The following CTNND1 variants were observed in gnomAD, a reference collection of about 807,000 sequenced individuals.
The protein encoded by CTNND1 is catenin delta 1.
In CTNND1, 16 loss-of-function variants were observed where a neutral mutation model predicts 112.1. The observed-to-expected ratio is 0.14, with a 90% CI of 0.10 to 0.22. The LOEUF is 0.22. Ranked by LOEUF, CTNND1 falls within the 10% of genes least tolerant of loss-of-function variation. The pLI is 1.00. For synonymous variants in CTNND1, 420 were observed against 446.5 expected (o/e 0.94, Z 0.75); for missense variants, 1,008 against 1,257.0 (o/e 0.80, Z 3.00).
At chr11:57,773,577 G>A (rs1953340728) in intron 1 of CTNND1, among the ~76,000 whole-genome samples, 1 of 150,644 alleles carries the variant, frequency 6.6e-6, no homozygotes, top group African/African-American at 2.4e-5. Context: ...TCAGCCTCCT[G>A]AGTAGCTGGG....
At chr11:57,805,485 C>T (rs1251117079) in intron 9 of CTNND1, among the ~76,000 whole-genome samples, 1 of 151,920 alleles carries the variant, frequency 6.6e-6, no homozygotes, top group African/African-American at 2.4e-5. Context: ...TCAGGTGATC[C>T]ACCCGCCTCG....
intron 1 of CTNND1, among the ~76,000 whole-genome samples, chr11:57,772,858 T>C (rs149459904): frequency 1.5e-3 from 232 of 152,174 alleles, no homozygotes; most frequent in African/African-American, 5.3e-3. Context: ...TCTTTCTCTC[T>C]CTTTCTCTCA....
rs1565396955 is a variant in CTNND1, at chr11:57,818,836, A to G, written c.*2528A>G. 6.6e-6 allele frequency: 1 copy of G among 152,218 alleles called. No individual in the cohort carries two copies. The highest frequency in any genetic ancestry group is 1.5e-5 in the Non-Finnish European group (1 of 68,042). The allele number at this position is 152,218 out of a possible 1,614,324, so 9.4% of individuals were successfully genotyped here. On this transcript the variant is annotated 3_prime_UTR_variant, in exon 21 of 21. Transcript: ENST00000399050. Reference sequence around the variant, plus strand: ...TCTCTTAAATATAACACTTAGGACTAGAAGATTAGAAACTACCAATCCCAA... The same window carrying G: ...TCTCTTAAATATAACACTTAGGACTGGAAGATTAGAAACTACCAATCCCAA...
intron 17 of CTNND1, 29 bp from the exon 18 acceptor site, chr11:57,814,282 G>T: frequency 1.3e-6 from 2 of 1,564,668 alleles, no homozygotes; most frequent in South Asian, 1.1e-5. Context: ...AATTGTTTTT[G>T]ACATGGATAA....
At chr11:57,791,258 G>T in intron 2 of CTNND1, 127 bp from the exon 3 acceptor site, 1 of 661,952 alleles carries the variant, frequency 1.5e-6, no homozygotes, top group South Asian at 5.5e-5. Context: ...TCCCAGGCTT[G>T]GCGGTGGCTT....
rs138518590 is a variant in CTNND1, at chr11:57,780,033, C to T, written c.-213-9004C>T. Among the ~76,000 whole-genome samples the T allele has an allele frequency of 4.4e-3, 652 of 148,400 alleles. 2 individuals are homozygous for T. The highest frequency in any genetic ancestry group is 5.8e-3 in the Admixed American group (85 of 14,664). The stretch of plus-strand genomic sequence containing the variant: ...AAAAAAAATGTCAACTTTGGGTTAA[C>T]TTCTTAATTGGAACTAGAATGACTT... On this transcript the variant is annotated intron_variant, in intron 1 of 20. Transcript: ENST00000399050.
At chr11:57,784,279 C>T (rs1022170806) in intron 1 of CTNND1, among the ~76,000 whole-genome samples, 1 of 151,114 alleles carries the variant, frequency 6.6e-6, no homozygotes, top group Non-Finnish European at 1.5e-5. Context: ...CACAGTGGCT[C>T]ATGCCAGTAA....
rs2064101357 is a variant in CTNND1, at chr11:57,818,697, A to ATT, written c.*2391_*2392dup. ...AGTTGAACATGGGAGCTTATTGCTA[A>ATT]TTTAGAGATAGGAAACTGAAGCATA... On this transcript the variant is annotated 3_prime_UTR_variant, in exon 21 of 21. Coordinates refer to ENST00000399050, the MANE Select transcript of CTNND1 (RefSeq NM_001085458.2). 1 of 152,234 alleles carries ATT rather than the reference A, an allele frequency of 6.6e-6. No individual in the cohort carries two copies. The highest frequency in any genetic ancestry group is 1.5e-5 in the Non-Finnish European group (1 of 68,040). The allele number at this position is 152,234 out of a possible 1,614,324, so 9.4% of individuals were successfully genotyped here. A position where few individuals can be genotyped will look rare whatever the true frequency, so the allele number is the denominator to read the frequency against.
rs2064089591 is a variant in CTNND1, at chr11:57,818,438, A to G, written c.*2130A>G. 6.6e-6 allele frequency: 1 copy of G among 152,504 alleles called. No homozygotes were observed. Among genetic ancestry groups the G allele is most frequent in the African/African-American group, 2.4e-5 (1 of 41,396 alleles). The allele number at this position is 152,504 out of a possible 1,614,324, so 9.4% of individuals were successfully genotyped here. A position where few individuals can be genotyped will look rare whatever the true frequency, so the allele number is the denominator to read the frequency against. Reference sequence around the variant, plus strand: ...AGTTTTTTATATAAATAAAGTTTTTAAAGTGTGTATGTGGGGGGTCTGTGT... The same window carrying G: ...AGTTTTTTATATAAATAAAGTTTTTGAAGTGTGTATGTGGGGGGTCTGTGT... On this transcript the variant is annotated 3_prime_UTR_variant, in exon 21 of 21. Transcript: ENST00000399050.
chr11:57,773,022 C>G (rs1591205843), intron 1 of CTNND1, among the ~76,000 whole-genome samples: 1 of 152,192 alleles, frequency 6.6e-6, no homozygotes, highest in African/African-American at 2.4e-5. Context: ...CCCATCTCCT[C>G]CTTTGTTCAG....
At chr11:57,810,085 G>C in intron 15 of CTNND1, 24 bp from the exon 16 acceptor site, 2 of 1,552,524 alleles carry the variant, frequency 1.3e-6, no homozygotes, top group Admixed American at 1.9e-5. Flanking sequence ...TCCAAATTCC[G>C]TATGGTGTTA....
At chr11:57,775,163 A>G (rs1330054768) in intron 1 of CTNND1, among the ~76,000 whole-genome samples, 1 of 152,034 alleles carries the variant, frequency 6.6e-6, no homozygotes, top group Non-Finnish European at 1.5e-5. Context: ...ATTTGAATTA[A>G]GCTTACATGT....
At chr11:57,804,545 A>G in intron 8 of CTNND1, 118 bp from the exon 9 acceptor site, 1 of 716,856 alleles carries the variant, frequency 1.4e-6, no homozygotes, top group South Asian at 1.9e-5. Context: ...TGCTTATAAT[A>G]GGTATTTACT....
chr11:57,774,390 A>G lies in CTNND1; in HGVS notation c.-214+12271A>G, dbSNP rs148459116. Reference sequence around the variant, plus strand: ...TGCAGTGTACAGAGGGATATCCTACAATGTAGCAACTCGGGATTCCAGAGA... The same window carrying G: ...TGCAGTGTACAGAGGGATATCCTACGATGTAGCAACTCGGGATTCCAGAGA... On this transcript the variant is annotated intron_variant, in intron 1 of 20. Coordinates refer to ENST00000399050, the MANE Select transcript of CTNND1 (RefSeq NM_001085458.2). 9.7e-4 allele frequency among the ~76,000 whole-genome samples: 148 copies of G among 152,192 alleles called. 1 individual carries two copies. Among genetic ancestry groups the G allele is most frequent in the African/African-American group, 3.5e-3 (143 of 41,432 alleles).
At chr11:57,790,839 T>G (rs2060658514) in intron 2 of CTNND1, among the ~76,000 whole-genome samples, 1 of 152,058 alleles carries the variant, frequency 6.6e-6, no homozygotes, top group Non-Finnish European at 1.5e-5. Flanking sequence ...ATTACAGGTG[T>G]AAGCCACAGT....
At chr11:57,769,523 C>A (rs1364010971) in intron 1 of CTNND1, among the ~76,000 whole-genome samples, 1 of 152,082 alleles carries the variant, frequency 6.6e-6, no homozygotes, top group Non-Finnish European at 1.5e-5. Context: ...CCTATAATTT[C>A]TTCTACCAAT....
At chr11:57,811,226 G>A (rs895789976) in intron 16 of CTNND1, among the ~76,000 whole-genome samples, 173 bp from the exon 17 acceptor site, 3 of 152,154 alleles carry the variant, frequency 2.0e-5, no homozygotes, top group African/African-American at 7.2e-5. Context: ...AACACAAATA[G>A]AAGCCATAAT....
At chr11:57,795,829 C>G in intron 5 of CTNND1, 100 bp downstream of exon 5, 2 of 1,221,744 alleles carry the variant, frequency 1.6e-6, no homozygotes, top group Non-Finnish European at 2.2e-6. Flanking sequence ...GACTGATATG[C>G]CATTATTGAT....
At position 57,794,676 on chromosome 11, in the gene CTNND1, T is replaced by C. The variant is rs551737194; in HGVS notation, c.267+595T>C. Among the ~76,000 whole-genome samples the C allele has an allele frequency of 6.4e-4, 97 of 151,602 alleles. No homozygotes were observed. In the Middle Eastern group the frequency reaches 0.021, roughly 32 times the overall value. On this transcript the variant is annotated intron_variant, in intron 4 of 20. Coordinates refer to ENST00000399050, the MANE Select transcript of CTNND1 (RefSeq NM_001085458.2). ...GGCACATGCCTGTAATCCCAGCTAC[T>C]CGGGAGGCTGAGGCAGGAGAATTGC...
Sources: gnomAD v4.1 joint callset for allele counts (sites outside exome capture counted in the v4.1 genomes callset) on GRCh38, gnomAD v4.1.1 for gene constraint, MANE v1.5 for transcripts, NCBI Gene and HGNC (gene_info 2026-07-23, HGNC 2026-07-21) for gene names.